Variants in DDX27 observed in about 807,000 individuals in gnomAD.
DDX27 encodes DEAD-box helicase 27, also known as probable ATP-dependent RNA helicase DDX27.
A neutral mutation model predicts 99.3 loss-of-function variants in DDX27; 42 were observed. The observed-to-expected ratio is 0.42, with a 90% CI of 0.33 to 0.55. The LOEUF is 0.55. DDX27 is among the 20% of genes least tolerant of loss of function. The pLI is 0.07. For synonymous variants in DDX27, 329 were observed against 353.8 expected, an observed-to-expected ratio of 0.93 and a Z score of 0.79; for missense variants, 798 against 976.8, an observed-to-expected ratio of 0.82 and a Z score of 2.44.
chr20:49,223,572 CT>C (rs375594056), intron 4 of DDX27, 139 bp downstream of exon 4: 84,408 of 435,648 alleles, frequency 0.19, 3 homozygotes, highest in South Asian at 0.24. Flanking sequence ...TCCTTTCTTT[CT>C]TTTTTTTTTT....
At chr20:49,240,553 G>C (rs1170287481) in intron 16 of DDX27, among the ~76,000 whole-genome samples, 2 of 152,082 alleles carry the variant, frequency 1.3e-5, no homozygotes, top group African/African-American at 4.8e-5. Context: ...TCAGCCTCCT[G>C]AGTAGCTGGG....
intron 4 of DDX27, among the ~76,000 whole-genome samples, chr20:49,224,317 C>G (rs1264180731): frequency 6.6e-6 from 1 of 151,694 alleles, no homozygotes; most frequent in East Asian, 1.9e-4. Context: ...GTGACATACT[C>G]AGATGGGTCC....
chr20:49,219,607 C>G, intron 1 of DDX27, 66 bp downstream of exon 1: 1 of 1,489,456 alleles, frequency 6.7e-7, no homozygotes, highest in Non-Finnish European at 9.0e-7. Context: ...TCCTCAGGTC[C>G]CTGTCCCCGA....
chr20:49,242,719 T>A, intron 19 of DDX27, 38 bp downstream of exon 19: 13 of 47,548 alleles, frequency 2.7e-4, no homozygotes, highest in East Asian at 4.7e-4. Context: ...TTGGTATTCT[T>A]TTTTTTTTTT....
chr20:49,225,287 A>G (rs973897254), intron 6 of DDX27, 88 bp downstream of exon 6: 14 of 1,126,090 alleles, frequency 1.2e-5, no homozygotes, highest in East Asian at 9.4e-5. Context: ...GCATCAAGCA[A>G]TCCTCTTGCC....
In DDX27 at chr20:49,223,278, C is replaced by A. The variant is rs1979757618; in HGVS notation, c.311C>A (p.Ala104Asp). 1.9e-6 allele frequency: 3 copies of A among 1,607,648 alleles called. No individual in the cohort carries two copies. Among genetic ancestry groups the A allele is most frequent in the Non-Finnish European group, 2.5e-6 (3 of 1,178,434 alleles). The change falls in exon 4 of 21, where the codon GCC becomes GAC. Residue 104 changes from alanine to aspartate, a missense_variant. Physicochemically the swap from Ala to Asp is moderately radical, Grantham distance 126 (BLOSUM62 -2). Coordinates refer to ENST00000618172, the MANE Select transcript of DDX27 (RefSeq NM_017895.8). ...RKKRKTEDKE[A>D]KSGKLEKEKE... ...TAATTTTTTTCCCAGGATAAAGAAG[C>A]CAAGTCTGGGAAGTTGGAAAAGGAG...
chr20:49,228,968 T>C (rs992762488), intron 8 of DDX27, 80 bp downstream of exon 8: 13 of 1,361,698 alleles, frequency 9.5e-6, no homozygotes, highest in Non-Finnish European at 1.3e-5. Context: ...CATCTGTTGG[T>C]GTTGGTGACA....
intron 3 of DDX27, 84 bp downstream of exon 3, chr20:49,223,100 A>ACC: frequency 6.9e-7 from 1 of 1,458,498 alleles, no homozygotes; most frequent in Non-Finnish European, 9.5e-7. Flanking sequence ...GGAAGCCCTT[A>ACC]TAGAGCGGGG....
Position 49,239,223 on chromosome 20 carries a change from G to C in DDX27, c.1795-13G>C. On this transcript the variant is annotated splice_polypyrimidine_tract_variant and intron_variant, in intron 15 of 20. Transcript: ENST00000618172. ...CGGGTTTCACGGCAGGCATCCTTTT[G>C]TTATCTCTACAGATCAATACAGCAA... 6.2e-7 allele frequency: 1 copy of C among 1,613,264 alleles called. No homozygotes were observed. The highest frequency in any genetic ancestry group is 8.5e-7 in the Non-Finnish European group (1 of 1,179,398).
intron 9 of DDX27, 58 bp from the exon 10 acceptor site, chr20:49,233,248 C>A (rs1386591303): frequency 6.9e-6 from 9 of 1,298,620 alleles, no homozygotes; most frequent in Non-Finnish European, 8.9e-6. Flanking sequence ...ATCCCGTGTC[C>A]CTCACTGTGA....
chr20:49,238,879 G>A, intron 14 of DDX27, 70 bp from the exon 15 acceptor site: 1 of 1,151,100 alleles, frequency 8.7e-7, no homozygotes, highest in Non-Finnish European at 1.3e-6. Flanking sequence ...CAGAGTGCCG[G>A]GTTACAGGTG....
At chr20:49,226,857 C>CTTTTTTTGT (rs1979909019) in intron 7 of DDX27, among the ~76,000 whole-genome samples, 1 of 63,460 alleles carries the variant, frequency 1.6e-5, no homozygotes, top group Middle Eastern at 0.019. Flanking sequence ...GAGTAAAGGA[C>CTTTTTTTGT]TTTTTTTTTT....
intron 4 of DDX27, among the ~76,000 whole-genome samples, chr20:49,224,023 T>C (rs1406629390): frequency 6.6e-6 from 1 of 151,236 alleles, no homozygotes; most frequent in Non-Finnish European, 1.5e-5. Context: ...GGCCTACAGG[T>C]GCATGCCCCT....
intron 11 of DDX27, chr20:49,233,936 C>T: frequency 2.0e-6 from 1 of 505,640 alleles, no homozygotes; most frequent in Non-Finnish European, 3.6e-6. Context: ...CAACTCCCAA[C>T]CACTTGGCAT....
intron 8 of DDX27, 101 bp from the exon 9 acceptor site, chr20:49,230,098 T>C: frequency 7.3e-7 from 1 of 1,363,744 alleles, no homozygotes; most frequent in Non-Finnish European, 9.8e-7. Flanking sequence ...TCTCAGTGGT[T>C]TTCTCTGCAT....
At chr20:49,231,907 A>T (rs1415210945) in intron 9 of DDX27, among the ~76,000 whole-genome samples, 13 of 144,158 alleles carry the variant, frequency 9.0e-5, no homozygotes, top group African/African-American at 3.3e-4. Context: ...TTTTTGAGTC[A>T]GGGTCTTGCT....
rs755821739 is a variant in DDX27, at chr20:49,235,017, G to A, written c.1356G>A (p.Leu452=). Residue 452 remains leucine (L), a synonymous_variant, in exon 12 of 21, where the codon CTG becomes CTA. Coordinates refer to ENST00000618172, the MANE Select transcript of DDX27 (RefSeq NM_017895.8). ...AGGCCCACCGCATGCACATCCTCCT[G>A]GGGCTCATGGGGCTGCAGGTGGGTG... ...KKQAHRMHIL[L]GLMGLQVGEL... is the part of the protein sequence containing the mutation. 3.7e-6 allele frequency: 6 copies of A among 1,613,640 alleles called. 1 individual carries two copies. In the South Asian group the frequency reaches 6.6e-5, roughly 18 times the overall value.
chr20:49,239,854 G>C (rs1980422525), intron 16 of DDX27, among the ~76,000 whole-genome samples: 1 of 152,172 alleles, frequency 6.6e-6, no homozygotes, highest in Non-Finnish European at 1.5e-5. Context: ...CAAAATTTGG[G>C]GTGTGTGTTT....
rs3061137 is a variant in DDX27, at chr20:49,232,763, CAAAA to C, written c.1032-519_1032-516del. On this transcript the variant is annotated intron_variant, in intron 9 of 20. Coordinates refer to ENST00000618172, the MANE Select transcript of DDX27 (RefSeq NM_017895.8). The stretch of plus-strand genomic sequence containing the variant: ...TGGGCGACAGAGCGAGACTCCGTCT[CAAAA>C]AAAAAAAAAAAAAAAAAAAAAAATT... 3.1e-4 allele frequency: 19 copies of C among 61,812 alleles called. No individual in the cohort carries two copies. The South Asian group carries it at 4.6e-3, about 15-fold the overall frequency. 3.8% of individuals were successfully genotyped at this position (61,812 alleles called of 1,614,324 possible).
Sources: allele counts gnomAD v4.1 joint callset (sites outside exome capture counted in the v4.1 genomes callset), GRCh38; gene constraint gnomAD v4.1.1; transcripts MANE v1.5; gene names NCBI Gene and HGNC (gene_info 2026-07-23, HGNC 2026-07-21).